The following POT1 variants were observed in gnomAD, a reference collection of about 807,000 sequenced individuals.
POT1 encodes protection of telomeres 1, also known as protection of telomeres protein 1.
POT1 carries 47 observed loss-of-function variants against 78.5 expected under a neutral mutation model. The observed-to-expected ratio is 0.60, with a 90% confidence interval of 0.47 to 0.76. The LOEUF (loss-of-function observed/expected upper bound fraction) is 0.76, where lower values mean the gene tolerates loss of function less well. Among genes scored for constraint, POT1 ranks in the 30% least tolerant of loss-of-function variants. The probability of loss-of-function intolerance (pLI) is 0.00; values close to 1 mark genes in which losing one functional copy is unlikely to be tolerated. For missense variants in POT1, 646 were observed against 749.9 expected (o/e 0.86, Z 1.62); for synonymous variants, 259 against 260.7 (o/e 0.99, Z 0.06).
chr7:124,856,491 T>C (rs1441448442), intron 9 of POT1, among the ~76,000 whole-genome samples: 2 of 151,980 alleles, frequency 1.3e-5, no homozygotes, highest in Non-Finnish European at 2.9e-5. Flanking sequence ...GTGGGCAAAA[T>C]AAAGCAGAAC....
intron 2 of POT1, among the ~76,000 whole-genome samples, chr7:124,916,158 T>A (rs1176935428): frequency 6.6e-6 from 1 of 152,136 alleles, no homozygotes; most frequent in Non-Finnish European, 1.5e-5. Flanking sequence ...TCAGATAAAA[T>A]AAAGTTTTTA....
intron 9 of POT1, 174 bp downstream of exon 9, chr7:124,858,778 AAGTTT>A (rs1170410313): frequency 2.4e-6 from 1 of 420,828 alleles, no homozygotes; most frequent in Non-Finnish European, 4.1e-6. Flanking sequence ...CTAACCCATT[AAGTTT>A]ATCTTTTAAT....
At chr7:124,828,590 G>T (rs1366875435) in intron 16 of POT1, among the ~76,000 whole-genome samples, 3 of 151,892 alleles carry the variant, frequency 2.0e-5, no homozygotes, top group Non-Finnish European at 2.9e-5. Context: ...TTAAAACTGT[G>T]AACTAAAACT....
Position 124,851,911 on chromosome 7 carries a change from C to G in POT1, c.910G>C (p.Asp304His). ...SANLTANQHSDVICQSEPDDS... is the reference protein window; with the variant it reads ...SANLTANQHSHVICQSEPDDS... ...TCAGGTTCTGATTGACAGATAACATCTGAATGCTGATTGGCTGTCAAATTT... is the reference window on the plus strand; with the variant it reads ...TCAGGTTCTGATTGACAGATAACATGTGAATGCTGATTGGCTGTCAAATTT... The change falls in exon 11 of 19, where the codon GAT becomes CAT. Residue 304 changes from aspartate to histidine, a missense_variant. Physicochemically the swap from Asp to His is moderately conservative, Grantham distance 81. Coordinates refer to ENST00000357628, the MANE Select transcript of POT1 (RefSeq NM_015450.3). The G allele has an allele frequency of 3.1e-6, 5 of 1,611,812 alleles. No homozygotes were observed. The highest frequency in any genetic ancestry group is 3.4e-6 in the Non-Finnish European group (4 of 1,178,202).
intron 9 of POT1, among the ~76,000 whole-genome samples, chr7:124,854,225 G>A (rs1468493908): frequency 2.0e-5 from 3 of 151,828 alleles, no homozygotes; most frequent in East Asian, 1.9e-4. Flanking sequence ...GTCTAAAAAC[G>A]AAATTCATTT....
chr7:124,875,334 G>C (rs550850153), intron 6 of POT1, among the ~76,000 whole-genome samples: 139 of 152,058 alleles, frequency 9.1e-4, no homozygotes, highest in Non-Finnish European at 2.9e-5. Context: ...CACTTAAAAA[G>C]ACTAATTTTT....
intron 7 of POT1, among the ~76,000 whole-genome samples, chr7:124,864,740 C>A (rs1795680184): frequency 6.6e-6 from 1 of 152,042 alleles, no homozygotes; most frequent in Non-Finnish European, 1.5e-5. Flanking sequence ...TTTACTTATC[C>A]CATCCATCCT....
chr7:124,842,536 C>T (rs1795052543), intron 13 of POT1, among the ~76,000 whole-genome samples: 1 of 151,840 alleles, frequency 6.6e-6, no homozygotes, highest in African/African-American at 2.4e-5. Context: ...AATGAGTCTG[C>T]CCAAATATAT....
intron 6 of POT1, among the ~76,000 whole-genome samples, chr7:124,890,018 A>G (rs1796332271): frequency 6.6e-6 from 1 of 152,000 alleles, no homozygotes; most frequent in Admixed American, 6.6e-5. Context: ...CCCACCATAG[A>G]TAGCAATCCT....
chr7:124,915,986 C>G (rs1017753898), intron 2 of POT1, among the ~76,000 whole-genome samples: 3 of 151,918 alleles, frequency 2.0e-5, no homozygotes, highest in African/African-American at 7.3e-5. Flanking sequence ...ATGATGTTTG[C>G]TCCTAGAAAG....
chr7:124,848,023 G>A (rs917198117), intron 11 of POT1, among the ~76,000 whole-genome samples: 12 of 152,174 alleles, frequency 7.9e-5, no homozygotes, highest in African/African-American at 2.9e-4. Context: ...CGCATATCAT[G>A]TGACTAGGCA....
chr7:124,912,649 T>C (rs895176606), intron 3 of POT1, among the ~76,000 whole-genome samples: 1 of 152,182 alleles, frequency 6.6e-6, no homozygotes, highest in Admixed American at 6.5e-5. Context: ...GGCTCATCGG[T>C]GTCTAGGAAT....
chr7:124,866,992 T>C (rs1190085240), intron 7 of POT1, among the ~76,000 whole-genome samples: 1 of 152,224 alleles, frequency 6.6e-6, no homozygotes, highest in Non-Finnish European at 1.5e-5. Flanking sequence ...CTTGGTTCTG[T>C]GGTCATCATT....
intron 8 of POT1, among the ~76,000 whole-genome samples, chr7:124,860,118 G>A (rs994944143): frequency 7.7e-4 from 116 of 151,526 alleles, no homozygotes; most frequent in African/African-American, 2.7e-3. Flanking sequence ...AATTATTTCT[G>A]ATACATAAGA....
At chr7:124,882,470 T>C (rs753302885) in intron 6 of POT1, among the ~76,000 whole-genome samples, 12 of 151,984 alleles carry the variant, frequency 7.9e-5, no homozygotes, top group East Asian at 1.9e-4. Flanking sequence ...TTTCATTCTA[T>C]TGCAAGAGCA....
intron 6 of POT1, among the ~76,000 whole-genome samples, chr7:124,875,523 G>T (rs1170932785): frequency 3.9e-5 from 6 of 152,062 alleles, no homozygotes; most frequent in Non-Finnish European, 7.4e-5. Flanking sequence ...TTTAAAATTT[G>T]TGCCCATGGT....
intron 11 of POT1, among the ~76,000 whole-genome samples, chr7:124,849,635 A>T (rs1317553288): frequency 1.3e-5 from 2 of 152,190 alleles, no homozygotes; most frequent in African/African-American, 4.8e-5. Flanking sequence ...TTTATTGTGG[A>T]GAAGTAAAAA....
rs886466545 is a variant in POT1 at position 124,823,369 on chromosome 7, T to C, written c.*593A>G. ...TATATATATAAATGTTTGTATAAAATTGAATATTCATGATTTTAAATTTGA... is the reference window on the plus strand; with the variant it reads ...TATATATATAAATGTTTGTATAAAACTGAATATTCATGATTTTAAATTTGA... On this transcript the variant is annotated 3_prime_UTR_variant, in exon 19 of 19. Transcript: ENST00000357628. 5 of 152,118 alleles carry C rather than the reference T, an allele frequency of 3.3e-5. No homozygotes were observed. In the South Asian group the frequency reaches 8.3e-4, roughly 25 times the overall value. 9.4% of individuals were successfully genotyped at this position (152,118 alleles called of 1,614,324 possible).
At chr7:124,854,885 A>G (rs1476689252) in intron 9 of POT1, among the ~76,000 whole-genome samples, 1 of 151,874 alleles carries the variant, frequency 6.6e-6, no homozygotes, top group Non-Finnish European at 1.5e-5. Context: ...ATATAAATAT[A>G]TTAGTATAGC....
Sources: allele counts gnomAD v4.1 joint callset (sites outside exome capture counted in the v4.1 genomes callset), GRCh38; gene constraint gnomAD v4.1.1; transcripts MANE v1.5; gene names NCBI Gene and HGNC (gene_info 2026-07-23, HGNC 2026-07-21).